FAM156A: variants seen among roughly 807,000 people sequenced by gnomAD.
The protein encoded by FAM156A is protein FAM156A/FAM156B.
At chrX:52,979,431 G>C (rs1253244775) in intron 1 of FAM156A, among the ~76,000 whole-genome samples, 2 of 110,979 alleles carry the variant, frequency 1.8e-5, no homozygotes, top group Non-Finnish European at 3.8e-5. Flanking sequence ...CGGGAGCCTA[G>C]AGCAATGTCA....
chrX:52,974,015 G>A (rs782527191), intron 1 of FAM156A, among the ~76,000 whole-genome samples: 1 of 110,651 alleles, frequency 9.0e-6, no homozygotes, highest in Non-Finnish European at 1.9e-5. Context: ...GTCTCCCTAT[G>A]TTGCCCAGGC....
At chrX:52,982,634 T>C (rs1425802778) in intron 1 of FAM156A, among the ~76,000 whole-genome samples, 1 of 111,462 alleles carries the variant, frequency 9.0e-6, no homozygotes, top group Non-Finnish European at 1.9e-5. Flanking sequence ...TCCCATTTCT[T>C]TACTTATCAT....
At chrX:52,981,563 C>CG (rs1215233071) in intron 1 of FAM156A, among the ~76,000 whole-genome samples, 17 of 111,758 alleles carry the variant, frequency 1.5e-4, no homozygotes, top group African/African-American at 4.9e-4. Context: ...TAGGGTTCCT[C>CG]GTCCATCCAA....
intron 1 of FAM156A, among the ~76,000 whole-genome samples, chrX:52,983,407 C>T (rs1556793777): frequency 8.9e-6 from 1 of 111,748 alleles, no homozygotes; most frequent in Non-Finnish European, 1.9e-5. Context: ...ATTTTTAATT[C>T]CTTTTTTTGG....
rs1320999481 is a variant in FAM156A, at chrX:52,985,912, C to T, written c.-434+9394G>A. Among the ~76,000 whole-genome samples the T allele has an allele frequency of 1.7e-4, 18 of 108,538 alleles. No homozygotes were observed. In the Admixed American group the frequency reaches 1.8e-3, roughly 11 times the overall value. 94.3% of individuals were successfully genotyped at this position (108,538 alleles called of 115,157 possible). A position where few individuals can be genotyped will look rare whatever the true frequency, so the allele number is the denominator to read the frequency against. ...ACAACATGGCAAAACTCTGTCTCTA[C>T]TAAAAAAAAATAATAATAATAATAA... On this transcript the variant is annotated intron_variant, in intron 1 of 4. Transcript: ENST00000610625.
At chrX:52,973,766 G>T (rs1929224562) in intron 1 of FAM156A, among the ~76,000 whole-genome samples, 1 of 111,303 alleles carries the variant, frequency 9.0e-6, no homozygotes, top group African/African-American at 3.3e-5. Flanking sequence ...AGGTTCAAGG[G>T]ATTCTCCTGC....
At chrX:52,990,026 T>C (rs1041685598) in intron 1 of FAM156A, among the ~76,000 whole-genome samples, 1 of 111,495 alleles carries the variant, frequency 9.0e-6, no homozygotes. Flanking sequence ...TGAAAAGCCA[T>C]CTGCAGATGA....
rs782560986 is a variant in FAM156A, at chrX:52,975,204, C to T, written c.-433-10969G>A. 1.4e-4 allele frequency among the ~76,000 whole-genome samples: 16 copies of T among 111,125 alleles called. No individual in the cohort carries two copies. In the East Asian group the frequency reaches 4.6e-3, roughly 32 times the overall value. On this transcript the variant is annotated intron_variant, in intron 1 of 4. Coordinates refer to the FAM156A transcript ENST00000610625. ...TAGCTCGAGGGTGGCCTCAAAGCTT[C>T]CCGTGGCCTCAAAGATGCCACGGCA...
intron 1 of FAM156A, among the ~76,000 whole-genome samples, chrX:52,994,733 G>C (rs1488605872): frequency 1.8e-5 from 2 of 111,401 alleles, no homozygotes; most frequent in African/African-American, 3.3e-5. Flanking sequence ...CCAGCACTTT[G>C]GGAGACCGAG....
Position 52,974,852 on chromosome X carries a change from C to G in FAM156A, c.-433-10617G>C, listed in dbSNP as rs1375336444. On this transcript the variant is annotated intron_variant, in intron 1 of 4. Coordinates refer to the FAM156A transcript ENST00000610625. ...TGTGTGTACACCCTTCTCATCTCCT[C>G]GGGGCTGGGTTCCGAAAGGGACTAT... is the stretch of plus-strand genomic sequence containing the variant. Among the ~76,000 whole-genome samples the G allele has an allele frequency of 2.7e-5, 3 of 110,385 alleles. No individual in the cohort carries two copies. The South Asian group carries it at 1.2e-3, about 43-fold the overall frequency.
intron 1 of FAM156A, among the ~76,000 whole-genome samples, chrX:52,992,454 C>A (rs1731757708): frequency 9.0e-6 from 1 of 111,542 alleles, no homozygotes; most frequent in Admixed American, 9.5e-5. Context: ...GAAGGCAAGA[C>A]CTGGAGCCCA....
chrX:52,993,558 G>A (rs1456168589), intron 1 of FAM156A, among the ~76,000 whole-genome samples: 12 of 109,412 alleles, frequency 1.1e-4, no homozygotes, highest in African/African-American at 4.0e-4. Context: ...GGGATTATAG[G>A]TGTCTGCCAC....
At chrX:52,991,817 G>A (rs781898589) in intron 1 of FAM156A, among the ~76,000 whole-genome samples, 1 of 108,820 alleles carries the variant, frequency 9.2e-6, no homozygotes, top group Non-Finnish European at 1.9e-5. Context: ...ATGACAGTGG[G>A]CCTGTACTCA....
chrX:52,977,443 T>C (rs1229343878), intron 1 of FAM156A, among the ~76,000 whole-genome samples: 4 of 111,208 alleles, frequency 3.6e-5, no homozygotes, highest in African/African-American at 1.3e-4. Flanking sequence ...CAAAAATGAA[T>C]TTACTTTTTT....
rs59645649 is a variant in FAM156A at position 52,977,105 on chromosome X, C to CATATAT, written c.-433-12876_-433-12871dup. 5.4e-3 allele frequency among the ~76,000 whole-genome samples: 523 copies of CATATAT among 97,600 alleles called. 3 individuals are homozygous for CATATAT. Among genetic ancestry groups the CATATAT allele is most frequent in the Middle Eastern group, 0.043 (8 of 184 alleles). 84.8% of individuals were successfully genotyped at this position (97,600 alleles called of 115,157 possible). On this transcript the variant is annotated intron_variant, in intron 1 of 4. Transcript: ENST00000610625. ...ATATATATACACACACACACACACA[C>CATATAT]ATATATATATATATATATATATCTT...
chrX:52,978,320 G>A (rs782701309), intron 1 of FAM156A, among the ~76,000 whole-genome samples: 3 of 111,949 alleles, frequency 2.7e-5, no homozygotes, highest in East Asian at 2.8e-4. Context: ...AGGGAAATGC[G>A]GGAACAGCAA....
chrX:52,993,568 C>A (rs1930956690), intron 1 of FAM156A, among the ~76,000 whole-genome samples: 1 of 109,683 alleles, frequency 9.1e-6, no homozygotes, highest in Admixed American at 9.8e-5. Context: ...GTGTCTGCCA[C>A]CACGCCTGGC....
chrX:52,986,837 G>A (rs782694816), intron 1 of FAM156A, among the ~76,000 whole-genome samples: 1 of 111,560 alleles, frequency 9.0e-6, no homozygotes. Context: ...ATATTGTACT[G>A]AAAGTTCCAA....
intron 1 of FAM156A, among the ~76,000 whole-genome samples, chrX:52,974,698 G>A (rs1186638405): frequency 8.1e-5 from 9 of 110,974 alleles, no homozygotes; most frequent in African/African-American, 3.0e-4. Flanking sequence ...TCAGGAAAGG[G>A]TGAGGTCAGG....
Sources: allele counts gnomAD v4.1 joint callset (sites outside exome capture counted in the v4.1 genomes callset), GRCh38; gene constraint gnomAD v4.1.1; transcripts MANE v1.5; gene names NCBI Gene and HGNC (gene_info 2026-07-23, HGNC 2026-07-21).